The following ZNF350 variants were observed in gnomAD, a reference collection of about 807,000 sequenced individuals.
The protein encoded by ZNF350 is KRAB zinc finger protein ZFQR.
A neutral mutation model predicts 13.1 loss-of-function variants in ZNF350; 5 were observed. The ratio of observed to expected loss-of-function variants is 0.38; its 90% CI spans 0.20 to 0.80. The LOEUF (loss-of-function observed/expected upper bound fraction) is 0.80. ZNF350 is among the 30% of genes least tolerant of loss of function. The pLI, the probability that ZNF350 is intolerant of heterozygous loss-of-function variation, is 0.43. For missense variants in ZNF350, 534 were observed against 644.2 expected, an observed-to-expected ratio of 0.83 and a Z score of 1.85; for synonymous variants, 199 against 224.2, an observed-to-expected ratio of 0.89 and a Z score of 1.00.
intron 2 of ZNF350, among the ~76,000 whole-genome samples, chr19:51,970,699 C>T (rs1324467616): frequency 6.6e-6 from 1 of 152,080 alleles, no homozygotes; most frequent in Non-Finnish European, 1.5e-5. Context: ...AAACAATATC[C>T]AAAGATCTAA....
chr19:51,968,880 A>T, intron 3 of ZNF350, 125 bp downstream of exon 3: 1 of 1,586,248 alleles, frequency 6.3e-7, no homozygotes, highest in Non-Finnish European at 8.6e-7. Flanking sequence ...CTTGTGTGGG[A>T]GCAAGAGAAG....
intron 1 of ZNF350, among the ~76,000 whole-genome samples, chr19:51,985,643 A>G (rs2086144884): frequency 6.6e-6 from 1 of 152,312 alleles, no homozygotes; most frequent in Admixed American, 6.5e-5. Context: ...ACAGGGATGA[A>G]TACTTCACGA....
chr19:51,975,820 G>A, intron 1 of ZNF350, among the ~76,000 whole-genome samples: 1 of 152,148 alleles, frequency 6.6e-6, no homozygotes, highest in East Asian at 1.9e-4. Flanking sequence ...GGCCTCCCGG[G>A]TTCAAGCAAT....
intron 1 of ZNF350, among the ~76,000 whole-genome samples, chr19:51,985,672 A>G (rs1207149927): frequency 6.6e-6 from 1 of 152,190 alleles, no homozygotes; most frequent in Non-Finnish European, 1.5e-5. Flanking sequence ...TTCTGTTAAG[A>G]AAGTGTGAAT....
At chr19:51,975,440 A>AC (rs2085862887) in intron 1 of ZNF350, among the ~76,000 whole-genome samples, 2 of 150,882 alleles carry the variant, frequency 1.3e-5, no homozygotes, top group Non-Finnish European at 3.0e-5. Context: ...AAAAAAAAAA[A>AC]AAAAAAAAAA....
intron 1 of ZNF350, among the ~76,000 whole-genome samples, chr19:51,978,980 C>T (rs1453987961): frequency 5.3e-5 from 8 of 152,226 alleles, no homozygotes; most frequent in East Asian, 1.9e-4. Context: ...GGAGATGGGA[C>T]AAGCCATGTG....
intron 1 of ZNF350, among the ~76,000 whole-genome samples, chr19:51,978,716 G>GC (rs748239672): frequency 3.9e-5 from 6 of 152,016 alleles, no homozygotes; most frequent in Non-Finnish European, 8.8e-5. Flanking sequence ...ACATTACAAC[G>GC]CATGTTGAAA....
chr19:51,980,049 T>A (rs903644157), intron 1 of ZNF350, among the ~76,000 whole-genome samples: 27 of 152,222 alleles, frequency 1.8e-4, no homozygotes. Context: ...AGCAACACAG[T>A]CTTAATGTTG....
At chr19:51,972,553 A>G (rs185838891) in intron 2 of ZNF350, among the ~76,000 whole-genome samples, 1 of 152,278 alleles carries the variant, frequency 6.6e-6, no homozygotes, top group East Asian at 1.9e-4. Flanking sequence ...GGATGTTCAA[A>G]GTGTAGCATC....
intron 4 of ZNF350, among the ~76,000 whole-genome samples, chr19:51,966,619 C>T (rs1390951891): frequency 6.6e-6 from 1 of 150,896 alleles, no homozygotes; most frequent in African/African-American, 2.4e-5. Flanking sequence ...TGGTACAATC[C>T]CGGCTCACAG....
chr19:51,976,097 C>T lies in ZNF350; in HGVS notation c.-171-1566G>A, dbSNP rs903002908. Among the ~76,000 whole-genome samples the T allele has an allele frequency of 2.7e-5, 4 of 147,478 alleles. No individual in the cohort carries two copies. Among genetic ancestry groups the T allele is most frequent in the Admixed American group, 6.8e-5 (1 of 14,774 alleles). On this transcript the variant is annotated intron_variant, in intron 1 of 4. Transcript: ENST00000243644. This position sits in a 1 kb window ranked among gnomAD's most constrained non-coding sequence, Gnocchi z 4.5. ...TTGCAAGACTACTCTGGACCCCTGGCGCCGTTATCTACTGCGACATCTAGA... is the reference window on the plus strand; with the variant it reads ...TTGCAAGACTACTCTGGACCCCTGGTGCCGTTATCTACTGCGACATCTAGA...
chr19:51,984,497 G>A (rs2086125657), intron 1 of ZNF350, among the ~76,000 whole-genome samples: 2 of 152,154 alleles, frequency 1.3e-5, no homozygotes, highest in South Asian at 4.1e-4. Flanking sequence ...CACACTCTAT[G>A]AAGCAGCAAT....
rs781388059 is a variant in ZNF350 at position 51,968,691 on chromosome 19, T to C, written c.143-18A>G. 3.1e-6 allele frequency: 5 copies of C among 1,609,916 alleles called. No individual in the cohort carries two copies. In the Admixed American group the frequency reaches 6.7e-5, roughly 21 times the overall value. ...TTGATACCCTGTTCATGGAAAATGA[T>C]AGAGGACTTAGACATATCAAATTGG... On this transcript the variant is annotated intron_variant, in intron 3 of 4. Transcript: ENST00000243644.
rs185275984 is a variant in ZNF350 at position 51,966,664 on chromosome 19, T to G, written c.239-450A>C. On this transcript the variant is annotated intron_variant, in intron 4 of 4. Transcript: ENST00000243644. The stretch of plus-strand genomic sequence containing the variant: ...TTTTTGTTGTTTTTTTTTTGTTTTT[T>G]GGGGACGGAGTCTCACTCTGTAGCC... Among the ~76,000 whole-genome samples the G allele has an allele frequency of 9.2e-4, 140 of 151,408 alleles. No homozygotes were observed. In the East Asian group the frequency reaches 0.012, roughly 13 times the overall value.
intron 2 of ZNF350, 158 bp from the exon 3 acceptor site, chr19:51,969,289 T>G: frequency 1.3e-6 from 1 of 790,276 alleles, no homozygotes; most frequent in South Asian, 2.0e-5. Context: ...TAATATAATA[T>G]TCTGTAACTG....
intron 1 of ZNF350, among the ~76,000 whole-genome samples, chr19:51,984,525 A>G (rs11672956): frequency 0.027 from 4,112 of 152,308 alleles, 77 homozygotes; most frequent in Non-Finnish European, 0.04. Flanking sequence ...CGAGGTGCAC[A>G]TCTAGATATA....
At chr19:51,981,432 G>A (rs773886149) in intron 1 of ZNF350, 2 of 152,084 alleles carry the variant, frequency 1.3e-5, no homozygotes, top group African/African-American at 2.4e-5. Context: ...GGGTCCATGT[G>A]GGTTACGGCC....
chr19:51,966,243 C>T (rs2085564848), intron 4 of ZNF350, 29 bp from the exon 5 acceptor site: 1 of 1,517,144 alleles, frequency 6.6e-7, no homozygotes, highest in Non-Finnish European at 8.8e-7. Flanking sequence ...AGATTTCTAT[C>T]ATTTAGATTT....
chr19:51,983,325 T>C (rs1215885671), intron 1 of ZNF350, among the ~76,000 whole-genome samples: 1 of 152,156 alleles, frequency 6.6e-6, no homozygotes, highest in Non-Finnish European at 1.5e-5. Context: ...CAGCCTGAGA[T>C]ATGGTCTCGT....
Sources: allele counts gnomAD v4.1 joint callset (sites outside exome capture counted in the v4.1 genomes callset), GRCh38; gene constraint gnomAD v4.1.1; non-coding constraint Gnocchi (gnomAD v3.1); transcripts MANE v1.5; gene names NCBI Gene and HGNC (gene_info 2026-07-23, HGNC 2026-07-21).